ROBO2: variants seen among roughly 807,000 people sequenced by gnomAD.
The protein encoded by ROBO2 is roundabout homolog 2.
Under a neutral mutation model 160.8 loss-of-function variants are expected in ROBO2, and 53 were observed. The ratio of observed to expected loss-of-function variants is 0.33; its 90% confidence interval spans 0.26 to 0.41. ROBO2 has a LOEUF of 0.41. Among genes scored for constraint, ROBO2 ranks in the 10% least tolerant of loss-of-function variants. The pLI is 1.00. For synonymous variants in ROBO2, 664 were observed against 611.7 expected, an observed-to-expected ratio of 1.09 and a Z score of -1.26; for missense variants, 1,577 against 1,722.4, an observed-to-expected ratio of 0.92 and a Z score of 1.49.
At chr3:77,577,667 C>A (rs1274569956) in intron 15 of ROBO2, 53 bp downstream of exon 16, 1 of 1,600,468 alleles carries the variant, frequency 6.2e-7, no homozygotes, top group Non-Finnish European at 8.6e-7. Context: ...CCAGAGAAAT[C>A]TCAGTGTCTC....
intron 2 of ROBO2, among the ~76,000 whole-genome samples, chr3:76,876,786 A>T (rs888827593): frequency 6.6e-5 from 10 of 152,224 alleles, no homozygotes. Flanking sequence ...GTTTAACAAA[A>T]TAAGACCCTA....
chr3:76,811,582 T>C (rs1398926701), intron 2 of ROBO2, among the ~76,000 whole-genome samples: 1 of 152,086 alleles, frequency 6.6e-6, no homozygotes, highest in Non-Finnish European at 1.5e-5. Flanking sequence ...CAAGTTTTGG[T>C]GAATCATCAC....
chr3:76,206,329 A>G (rs1436028819), intron 2 of ROBO2, among the ~76,000 whole-genome samples: 1 of 151,656 alleles, frequency 6.6e-6, no homozygotes, highest in Non-Finnish European at 1.5e-5. Context: ...AATTAATATC[A>G]ATTTCTGCTT....
At chr3:76,337,555 G>GA in intron 2 of ROBO2, among the ~76,000 whole-genome samples, 1 of 152,170 alleles carries the variant, frequency 6.6e-6, no homozygotes, top group Non-Finnish European at 1.5e-5. Flanking sequence ...CCAGAACTAG[G>GA]AAAAGCCTCA....
intron 2 of ROBO2, among the ~76,000 whole-genome samples, chr3:76,887,788 T>C (rs1413985779): frequency 6.6e-6 from 1 of 152,120 alleles, no homozygotes; most frequent in Non-Finnish European, 1.5e-5. Flanking sequence ...GAGCTCTTAA[T>C]CTCAGGTCAA....
Position 76,990,714 on chromosome 3 carries a change from G to A in ROBO2, c.110-107300G>A, listed in dbSNP as rs544641392. On this transcript the variant is annotated intron_variant, in intron 2 of 26. Transcript: ENST00000487694. ...AGGAAAGGCAGTCTCCCCATATATA[G>A]GAAAAACCTGAAACTGGTGATCAGC... Among the ~76,000 whole-genome samples the A allele has an allele frequency of 3.3e-5, 5 of 152,240 alleles. No individual in the cohort carries two copies. In the South Asian group the frequency reaches 1.0e-3, roughly 32 times the overall value.
intron 2 of ROBO2, among the ~76,000 whole-genome samples, chr3:76,194,549 C>T (rs543223159): frequency 6.6e-6 from 1 of 151,580 alleles, no homozygotes. Context: ...ATGTAATAAA[C>T]TCTATAAATT....
intron 2 of ROBO2, among the ~76,000 whole-genome samples, chr3:76,186,324 C>A (rs538553110): frequency 3.3e-5 from 5 of 152,142 alleles, no homozygotes; most frequent in African/African-American, 1.2e-4. Context: ...TAAGCCGTGT[C>A]ATAGTATAAT....
chr3:76,297,671 T>A (rs1370202003), intron 2 of ROBO2, among the ~76,000 whole-genome samples: 5 of 25,652 alleles, frequency 1.9e-4, no homozygotes, highest in Middle Eastern at 0.023. Context: ...AAAAAAAAGA[T>A]CAAAGTACTT....
chr3:77,408,903 T>G (rs1169757059), intron 2 of ROBO2, among the ~76,000 whole-genome samples: 3 of 151,830 alleles, frequency 2.0e-5, no homozygotes, highest in African/African-American at 7.3e-5. Flanking sequence ...TTTTTAAGTT[T>G]TAAAATTTTT....
intron 16 of ROBO2, among the ~76,000 whole-genome samples, chr3:77,585,203 C>G (rs923162001): frequency 2.7e-5 from 4 of 149,738 alleles, no homozygotes; most frequent in African/African-American, 9.8e-5. Context: ...CTTTTTCTTC[C>G]TAGTGACTAT....
At position 76,237,106 on chromosome 3, in the gene ROBO2, A is replaced by AATTAAATTTAC. The variant is rs566990408; in HGVS notation, c.109+299504_109+299505insATTAAATTTAC. Among the ~76,000 whole-genome samples, 368 of 152,262 alleles carry AATTAAATTTAC rather than the reference A, an allele frequency of 2.4e-3. 2 individuals are homozygous for AATTAAATTTAC. The highest frequency in any genetic ancestry group is 8.5e-3 in the African/African-American group (354 of 41,568). On this transcript the variant is annotated intron_variant, in intron 2 of 26. Transcript: ENST00000487694. Reference sequence around the variant, plus strand: ...GCATTTTAAATATTTTACTGAATGAATGAGTGAAATTTAATTAATGTCTTC... The same window carrying AATTAAATTTAC: ...GCATTTTAAATATTTTACTGAATGAAATTAAATTTACTGAGTGAAATTTAATTAATGTCTTC...
chr3:76,560,833 G>A (rs1302039553), intron 2 of ROBO2, among the ~76,000 whole-genome samples: 1 of 149,308 alleles, frequency 6.7e-6, no homozygotes, highest in Non-Finnish European at 1.5e-5. Flanking sequence ...CTGATTTACT[G>A]GCCCTAAATG....
At chr3:76,644,370 C>T (rs1296680893) in intron 2 of ROBO2, among the ~76,000 whole-genome samples, 2 of 152,082 alleles carry the variant, frequency 1.3e-5, no homozygotes, top group Admixed American at 6.5e-5. Context: ...CATATTAAAA[C>T]GAGATTTGCA....
At chr3:77,455,852 CAT>C (rs1051408099) in intron 2 of ROBO2, among the ~76,000 whole-genome samples, 1 of 151,938 alleles carries the variant, frequency 6.6e-6, no homozygotes, top group African/African-American at 2.4e-5. Flanking sequence ...GCAATTTTCA[CAT>C]GTGTTTCTCT....
At chr3:76,926,634 A>T (rs2077009410) in intron 2 of ROBO2, among the ~76,000 whole-genome samples, 1 of 152,230 alleles carries the variant, frequency 6.6e-6, no homozygotes, top group African/African-American at 2.4e-5. Flanking sequence ...GATTGACAAC[A>T]CTAGGTAGTA....
At chr3:76,071,801 A>G (rs2068464200) in intron 2 of ROBO2, among the ~76,000 whole-genome samples, 1 of 145,760 alleles carries the variant, frequency 6.9e-6, no homozygotes, top group African/African-American at 2.6e-5. Context: ...TTATAATCTT[A>G]TTATTATTAA....
intron 2 of ROBO2, among the ~76,000 whole-genome samples, chr3:77,220,223 G>A (rs2085604430): frequency 6.6e-6 from 1 of 151,898 alleles, no homozygotes; most frequent in Non-Finnish European, 1.5e-5. Context: ...TATTGTCCAG[G>A]CTGGTCTCGA....
chr3:76,381,943 T>C (rs1267906338), intron 2 of ROBO2, among the ~76,000 whole-genome samples: 1 of 152,122 alleles, frequency 6.6e-6, no homozygotes, highest in Non-Finnish European at 1.5e-5. Context: ...ATATAGAATA[T>C]TTAGACTTTG....
Sources: allele counts gnomAD v4.1 joint callset (sites outside exome capture counted in the v4.1 genomes callset), GRCh38; gene constraint gnomAD v4.1.1; transcripts MANE v1.5; gene names NCBI Gene and HGNC (gene_info 2026-07-23, HGNC 2026-07-21).